KRT7: variants seen among roughly 807,000 people sequenced by gnomAD.
KRT7 encodes keratin 7.
KRT7 carries 50 observed loss-of-function variants against 42.8 expected under a neutral mutation model. That is an observed-to-expected ratio of 1.17 (90% confidence interval 0.93 to 1.48). The LOEUF is 1.48. Among genes scored for constraint, KRT7 ranks in the 40% most tolerant of loss-of-function variants. The pLI, the probability that KRT7 is intolerant of heterozygous loss-of-function variation, is 0.00. For missense variants in KRT7, 588 were observed against 637.6 expected, an observed-to-expected ratio of 0.92 and a Z score of 0.84; for synonymous variants, 268 against 266.3, an observed-to-expected ratio of 1.01 and a Z score of -0.06.
At chr12:52,243,207 A>C in intron 6 of KRT7, 70 bp downstream of exon 6, 1 of 1,533,084 alleles carries the variant, frequency 6.5e-7, no homozygotes, top group Non-Finnish European at 8.8e-7. Context: ...GGCCAAACTC[A>C]GGATGTGGAG....
intron 8 of KRT7, among the ~76,000 whole-genome samples, 181 bp from the exon 9 acceptor site, chr12:52,248,410 G>A (rs1942209420): frequency 6.6e-6 from 1 of 152,138 alleles, no homozygotes; most frequent in Non-Finnish European, 1.5e-5. Flanking sequence ...GGCAGGGTGG[G>A]GCCAGGAGCA....
downstream of KRT7, chr12:52,250,726 C>T (rs1173729298): frequency 2.6e-5 from 12 of 469,450 alleles, no homozygotes; most frequent in African/African-American, 1.6e-4. Flanking sequence ...TTTCTATGCG[C>T]GCCCCTCAAA....
At chr12:52,241,880 T>G in intron 5 of KRT7, 1 of 305,514 alleles carries the variant, frequency 3.3e-6, no homozygotes, top group Non-Finnish European at 5.9e-6. Flanking sequence ...AGTACTAGGC[T>G]CATGTAATTA....
downstream of KRT7, chr12:52,250,686 GC>G (rs555148813): frequency 2.7e-4 from 157 of 586,556 alleles, 3 homozygotes; most frequent in South Asian, 2.5e-3. Context: ...GCGGCCAGAG[GC>G]CCCTTCTGCT....
Position 52,241,606 on chromosome 12 carries a change from G to C in KRT7, c.828G>C (p.Arg276=). 1 of 1,612,218 alleles carries C rather than the reference G, an allele frequency of 6.2e-7. No homozygotes were observed. The highest frequency in any genetic ancestry group is 2.2e-5 in the East Asian group (1 of 44,768). Residue 276 remains arginine, a synonymous_variant, in exon 5 of 9, where the codon CGG becomes CGC. Transcript: ENST00000331817. ...AQYEEMAKCS[R]AEAEAWYQTK... is the part of the protein sequence containing the mutation. ...ATGAGGAGATGGCCAAATGCAGCCG[G>C]GCTGAGGCTGAAGCCTGGTACCAGA... is the stretch of plus-strand genomic sequence containing the variant.
At chr12:52,239,100 A>G (rs1350761469) in intron 4 of KRT7, among the ~76,000 whole-genome samples, 1 of 151,870 alleles carries the variant, frequency 6.6e-6, no homozygotes, top group Admixed American at 6.6e-5. Flanking sequence ...GACGTTGTCT[A>G]TTGGTTGTTG....
chr12:52,252,263 T>G (rs752245719), downstream of KRT7: 1 of 1,613,062 alleles, frequency 6.2e-7, no homozygotes. Context: ...GGTCCTCACC[T>G]CTGCTCCTCG....
At chr12:52,243,254 C>T (rs1017617544) in intron 6 of KRT7, 117 bp downstream of exon 6, 19 of 1,196,954 alleles carry the variant, frequency 1.6e-5, no homozygotes, top group African/African-American at 1.5e-4. Flanking sequence ...GCTGGTGCCA[C>T]TGTCTCAGAC....
At chr12:52,251,980 C>G, downstream of KRT7, 1 of 627,620 alleles carries the variant, frequency 1.6e-6, no homozygotes, top group Non-Finnish European at 2.9e-6. Context: ...TTTGCCTGCC[C>G]AGAACCCCAA....
Position 52,248,357 on chromosome 12 carries a change from G to A in KRT7, c.1240+146G>A, listed in dbSNP as rs1942208156. ...TACAGGGATTGACAGGTCCCCTGGA[G>A]CACATACTGCCAGGCTCAATGGCCT... On this transcript the variant is annotated intron_variant, in intron 8 of 8. Coordinates refer to ENST00000331817, the MANE Select transcript of KRT7 (RefSeq NM_005556.4). 4 of 946,030 alleles carry A rather than the reference G, an allele frequency of 4.2e-6. No homozygotes were observed. The African/African-American group carries it at 4.9e-5, about 12-fold the overall frequency. 58.6% of individuals were successfully genotyped at this position (946,030 alleles called of 1,614,324 possible). A position where few individuals can be genotyped will look rare whatever the true frequency, so the allele number is the denominator to read the frequency against.
At chr12:52,252,631 GC>G, downstream of KRT7, 1 of 972,030 alleles carries the variant, frequency 1.0e-6, no homozygotes. Flanking sequence ...AGGCATGTTT[GC>G]ACAGTGTCTT....
chr12:52,243,338 A>T (rs1288387611), intron 6 of KRT7: 10 of 595,468 alleles, frequency 1.7e-5, no homozygotes, highest in Non-Finnish European at 2.5e-5. Context: ...AAGGTCCTGG[A>T]TGTGCACAGA....
At chr12:52,245,773 G>A in intron 7 of KRT7, 141 bp downstream of exon 7, 1 of 1,073,498 alleles carries the variant, frequency 9.3e-7, no homozygotes, top group Non-Finnish European at 1.3e-6. Context: ...ACACAGAGCT[G>A]ATGCTTGCCT....
chr12:52,244,511 G>C, intron 6 of KRT7: 4 of 985,902 alleles, frequency 4.1e-6, no homozygotes, highest in Non-Finnish European at 4.8e-6. Context: ...AGCTGTGGCC[G>C]AGGGGCAGAG....
intron 7 of KRT7, 107 bp from the exon 8 acceptor site, chr12:52,248,070 A>AG (rs1942202556): frequency 8.3e-6 from 9 of 1,084,838 alleles, no homozygotes; most frequent in Non-Finnish European, 1.3e-5. Flanking sequence ...TGGGGCAAGA[A>AG]GGAAAAATCA....
intron 4 of KRT7, among the ~76,000 whole-genome samples, chr12:52,239,812 T>A (rs1279121611): frequency 1.3e-5 from 2 of 152,176 alleles, no homozygotes; most frequent in African/African-American, 4.8e-5. Context: ...TCCCTTCTTA[T>A]TCTCTCCCTC....
In KRT7 at chr12:52,248,686, A is replaced by G; in HGVS notation, c.1336A>G (p.Ser446Gly). The change falls in exon 9 of 9, where the codon AGT becomes GGT. Residue 446 changes from serine (S) to glycine (G), a missense_variant. Ser to Gly is a moderately conservative substitution (Grantham distance 56, BLOSUM62 0). Coordinates refer to ENST00000331817, the MANE Select transcript of KRT7 (RefSeq NM_005556.4). ...CAGCAATGCCCTGAGCTTCTCCAGC[A>G]GTGCGGGTCCTGGGCTCCTGAAGGC... ...MGSNALSFSS[S>G]AGPGLLKAYS... 2.5e-6 allele frequency: 4 copies of G among 1,613,434 alleles called. No individual in the cohort carries two copies. The highest frequency in any genetic ancestry group is 3.4e-6 in the Non-Finnish European group (4 of 1,179,726).
chr12:52,236,858 G>A (rs893531325), intron 2 of KRT7, among the ~76,000 whole-genome samples: 6 of 152,188 alleles, frequency 3.9e-5, no homozygotes, highest in Admixed American at 1.3e-4. Context: ...GAAGAGTGAT[G>A]GGAGCTATGG....
At chr12:52,251,935 C>T (rs1249566291), downstream of KRT7, 1 of 525,228 alleles carries the variant, frequency 1.9e-6, no homozygotes, top group African/African-American at 1.9e-5. Context: ...GCCCACGAGC[C>T]TAAAGTTTTT....
Sources: allele counts gnomAD v4.1 joint callset (sites outside exome capture counted in the v4.1 genomes callset), GRCh38; gene constraint gnomAD v4.1.1; transcripts MANE v1.5; gene names NCBI Gene and HGNC (gene_info 2026-07-23, HGNC 2026-07-21).